Variants in TBC1D23 observed in about 807,000 individuals in gnomAD.
TBC1D23 encodes the protein HCV non-structural protein 4A-transactivated protein 1.
In TBC1D23, 55 loss-of-function variants were observed where a neutral mutation model predicts 91.4. The ratio of observed to expected loss-of-function variants is 0.60; its 90% CI spans 0.48 to 0.75. The LOEUF is 0.75. Among genes scored for constraint, TBC1D23 ranks in the 30% least tolerant of loss-of-function variants. The pLI is 0.00. For missense variants in TBC1D23, 725 were observed against 836.1 expected, an observed-to-expected ratio of 0.87 and a Z score of 1.64; for synonymous variants, 289 against 281.0, an observed-to-expected ratio of 1.03 and a Z score of -0.28.
chr3:100,310,655 A>G, intron 14 of TBC1D23, 113 bp downstream of exon 14: 1 of 792,994 alleles, frequency 1.3e-6, no homozygotes, highest in Non-Finnish European at 1.9e-6. Flanking sequence ...AGGATTATAA[A>G]GTATATTTTC....
At chr3:100,270,548 C>T (rs2067591842) in intron 1 of TBC1D23, among the ~76,000 whole-genome samples, 1 of 151,856 alleles carries the variant, frequency 6.6e-6, no homozygotes, top group African/African-American at 2.4e-5. Context: ...ATATAGGACC[C>T]TTTAAGTAAG....
chr3:100,268,682 CTG>C (rs1171611386), intron 1 of TBC1D23, among the ~76,000 whole-genome samples: 1 of 152,214 alleles, frequency 6.6e-6, no homozygotes, highest in Non-Finnish European at 1.5e-5. Context: ...AAGTTACACT[CTG>C]TTTTTAGTTT....
chr3:100,266,482 C>T (rs187398413), intron 1 of TBC1D23, among the ~76,000 whole-genome samples: 65 of 152,022 alleles, frequency 4.3e-4, no homozygotes, highest in Admixed American at 2.4e-3. Context: ...TTGGCCAGGC[C>T]GGTCTCAAAC....
intron 1 of TBC1D23, among the ~76,000 whole-genome samples, chr3:100,277,195 C>T (rs552577485): frequency 2.0e-5 from 3 of 152,318 alleles, no homozygotes; most frequent in Non-Finnish European, 2.9e-5. Flanking sequence ...CTATAGAATT[C>T]TTATCTCTGA....
At chr3:100,263,732 G>A (rs1466053997) in intron 1 of TBC1D23, among the ~76,000 whole-genome samples, 1 of 152,218 alleles carries the variant, frequency 6.6e-6, no homozygotes, top group Non-Finnish European at 1.5e-5. Flanking sequence ...TTGGAACGGT[G>A]AATTGTGTCA....
At chr3:100,262,811 T>C (rs2067524445) in intron 1 of TBC1D23, among the ~76,000 whole-genome samples, 1 of 151,944 alleles carries the variant, frequency 6.6e-6, no homozygotes. Flanking sequence ...ATGTAATCAT[T>C]GTTTAAAAAA....
At chr3:100,261,848 G>C (rs1477872098) in intron 1 of TBC1D23, among the ~76,000 whole-genome samples, 2 of 152,188 alleles carry the variant, frequency 1.3e-5, no homozygotes, top group Non-Finnish European at 2.9e-5. Flanking sequence ...ACACTGTTAG[G>C]TTGTACAACA....
chr3:100,285,288 T>C (rs2067730754), intron 4 of TBC1D23, among the ~76,000 whole-genome samples: 1 of 152,234 alleles, frequency 6.6e-6, no homozygotes, highest in Non-Finnish European at 1.5e-5. Context: ...ACTCTCCATT[T>C]TCCCCCAAAA....
At chr3:100,289,634 C>T (rs1378940960) in intron 4 of TBC1D23, among the ~76,000 whole-genome samples, 1 of 152,176 alleles carries the variant, frequency 6.6e-6, no homozygotes, top group Non-Finnish European at 1.5e-5. Context: ...TGAGTGGCTG[C>T]TGTGACCCGT....
intron 1 of TBC1D23, among the ~76,000 whole-genome samples, chr3:100,274,057 G>A (rs1000648938): frequency 2.0e-5 from 3 of 152,096 alleles, no homozygotes; most frequent in Admixed American, 2.0e-4. Context: ...TTATCTCATG[G>A]TAATGGAATT....
chr3:100,307,143 A>G (rs1705530596), intron 13 of TBC1D23, among the ~76,000 whole-genome samples: 1 of 152,206 alleles, frequency 6.6e-6, no homozygotes, highest in South Asian at 2.1e-4. Context: ...CAGTGGATAA[A>G]TCTGTTTTTC....
Position 100,319,168 on chromosome 3 carries a change from G to T in TBC1D23, c.1787G>T (p.Cys596Phe). The change falls in exon 17 of 19, where the codon TGT (cysteine) becomes TTT (phenylalanine). Residue 596 changes from cysteine (C) to phenylalanine (F), a missense_variant. By Grantham distance (205) the Cys-to-Phe change is radical. Transcript: ENST00000394144. ...CCAGATGTCAAACATCATTTTCCTTGTAAAGAAGTAAAAGAAAGTGGACAC... is the reference window on the plus strand; with the variant it reads ...CCAGATGTCAAACATCATTTTCCTTTTAAAGAAGTAAAAGAAAGTGGACAC... ...NKPDVKHHFP[C>F]KEVKESGHMF... 6.2e-7 allele frequency: 1 copy of T among 1,609,542 alleles called. No individual in the cohort carries two copies. Among genetic ancestry groups the T allele is most frequent in the Non-Finnish European group, 8.5e-7 (1 of 1,178,074 alleles).
At chr3:100,277,278 T>C (rs2067655993) in intron 1 of TBC1D23, among the ~76,000 whole-genome samples, 1 of 152,256 alleles carries the variant, frequency 6.6e-6, no homozygotes, top group African/African-American at 2.4e-5. Flanking sequence ...ATTTATATTG[T>C]CGAAGGTCTA....
At chr3:100,267,187 C>T (rs1415059715) in intron 1 of TBC1D23, 8 of 436,098 alleles carry the variant, frequency 1.8e-5, no homozygotes, top group South Asian at 6.6e-5. Context: ...TAGGATTAAA[C>T]AGTTTGAAAA....
intron 1 of TBC1D23, among the ~76,000 whole-genome samples, chr3:100,262,866 A>G (rs1023237254): frequency 3.9e-5 from 6 of 152,258 alleles, no homozygotes; most frequent in South Asian, 2.1e-4. Flanking sequence ...TCAAAATCCA[A>G]TGTGCATTTT....
intron 4 of TBC1D23, among the ~76,000 whole-genome samples, chr3:100,286,919 G>A (rs899281669): frequency 3.3e-5 from 5 of 151,666 alleles, no homozygotes; most frequent in Non-Finnish European, 5.9e-5. Context: ...AGATTCAAGC[G>A]ATTCTCCTGC....
intron 4 of TBC1D23, among the ~76,000 whole-genome samples, chr3:100,285,018 A>G (rs1400337744): frequency 3.3e-5 from 5 of 152,136 alleles, no homozygotes; most frequent in Admixed American, 3.3e-4. Context: ...ACTACTTTCT[A>G]AGTGATACCA....
chr3:100,315,682 A>G (rs1446753697), intron 15 of TBC1D23, among the ~76,000 whole-genome samples: 1 of 152,200 alleles, frequency 6.6e-6, no homozygotes, highest in Non-Finnish European at 1.5e-5. Context: ...TTGTCCTAAT[A>G]GTTTTACAAT....
At chr3:100,282,438 T>C (rs1397393521) in intron 3 of TBC1D23, among the ~76,000 whole-genome samples, 1 of 152,260 alleles carries the variant, frequency 6.6e-6, no homozygotes, top group Non-Finnish European at 1.5e-5. Context: ...TCTATATGAT[T>C]GTATGCAGCC....
Sources: allele counts gnomAD v4.1 joint callset (sites outside exome capture counted in the v4.1 genomes callset), GRCh38; gene constraint gnomAD v4.1.1; transcripts MANE v1.5; gene names NCBI Gene and HGNC (gene_info 2026-07-23, HGNC 2026-07-21).